KLHL2: variants seen among roughly 807,000 people sequenced by gnomAD.
KLHL2 encodes the protein kelch like family member 2, also known as kelch-like protein 2.
In KLHL2, 15 loss-of-function variants were observed where a neutral mutation model predicts 75.8. The observed-to-expected ratio is 0.20, with a 90% CI of 0.13 to 0.30. The LOEUF (loss-of-function observed/expected upper bound fraction) is 0.30, where lower values mean the gene tolerates loss of function less well. KLHL2 is among the 10% of genes least tolerant of loss of function. The pLI is 1.00. For missense variants in KLHL2, 381 were observed against 741.0 expected (o/e 0.51, Z 5.64); for synonymous variants, 214 against 251.9 (o/e 0.85, Z 1.42).
chr4:165,315,960 T>C (rs1161909220), intron 13 of KLHL2, among the ~76,000 whole-genome samples: 1 of 152,232 alleles, frequency 6.6e-6, no homozygotes, highest in East Asian at 1.9e-4. Context: ...GATGATTATA[T>C]ATAGACCTTT....
intron 4 of KLHL2, among the ~76,000 whole-genome samples, chr4:165,255,317 A>G (rs915809187): frequency 2.6e-5 from 4 of 152,184 alleles, no homozygotes; most frequent in African/African-American, 9.7e-5. Context: ...AAAAACCCCT[A>G]GAAGGGATTT....
At chr4:165,270,975 T>C (rs925614942) in intron 5 of KLHL2, among the ~76,000 whole-genome samples, 5 of 152,218 alleles carry the variant, frequency 3.3e-5, no homozygotes. Flanking sequence ...ACTTTATTTC[T>C]GGGTTCTCTA....
chr4:165,271,678 C>T (rs532066800), intron 5 of KLHL2, among the ~76,000 whole-genome samples: 9 of 152,258 alleles, frequency 5.9e-5, no homozygotes, highest in East Asian at 1.9e-4. Context: ...CTGGGACTTA[C>T]GGAAGTTGCT....
rs1221016356 is a variant in KLHL2 at position 165,319,660 on chromosome 4, C to T, written c.1753+1691C>T. On this transcript the variant is annotated intron_variant, in intron 14 of 14. Transcript: ENST00000226725. This position sits in a 1 kb window ranked among gnomAD's most constrained non-coding sequence, Gnocchi z 4.5. ...TTTTGAGACAGAATCTCACTCTTGT[C>T]GCCCAGGCTGGAGTGCAACAGCGTG... is the stretch of plus-strand genomic sequence containing the variant. Among the ~76,000 whole-genome samples, 1 of 152,024 alleles carries T rather than the reference C, an allele frequency of 6.6e-6. No homozygotes were observed. Among genetic ancestry groups the T allele is most frequent in the East Asian group, 1.9e-4 (1 of 5,194 alleles).
chr4:165,304,450 ATT>A (rs1293427829), intron 8 of KLHL2, among the ~76,000 whole-genome samples: 1 of 151,768 alleles, frequency 6.6e-6, no homozygotes, highest in Non-Finnish European at 1.5e-5. Context: ...GTTTGTTTTT[ATT>A]TTTTGTTTCT....
In KLHL2 at chr4:165,238,851, T is replaced by C; in HGVS notation, c.333T>C (p.Ile111=). 1 of 1,614,114 alleles carries C rather than the reference T, an allele frequency of 6.2e-7. No homozygotes were observed. Among genetic ancestry groups the C allele is most frequent in the Non-Finnish European group, 8.5e-7 (1 of 1,180,012 alleles). Residue 111 remains isoleucine (I), a synonymous_variant, in exon 4 of 15, where the codon ATT becomes ATC. Transcript: ENST00000226725. ...EVDGWTLRML[I]DYVYTAEIQV... ...ATGGCTGGACCCTGAGGATGCTAAT[T>C]GATTATGTTTACACTGCAGAAATTC...
At chr4:165,310,480 C>G in intron 9 of KLHL2, 73 bp from the exon 10 acceptor site, 1 of 1,268,956 alleles carries the variant, frequency 7.9e-7, no homozygotes, top group Admixed American at 1.7e-5. Context: ...ATAGATTTAT[C>G]AGAAAGCAAT....
At chr4:165,222,529 A>G (rs1738080415) in intron 2 of KLHL2, among the ~76,000 whole-genome samples, 1 of 152,192 alleles carries the variant, frequency 6.6e-6, no homozygotes, top group African/African-American at 2.4e-5. Flanking sequence ...GAATAGCCAG[A>G]GTGTTGGCTG....
chr4:165,266,229 C>T (rs2111256541), intron 5 of KLHL2, among the ~76,000 whole-genome samples: 1 of 152,240 alleles, frequency 6.6e-6, no homozygotes, highest in East Asian at 1.9e-4. Flanking sequence ...AGCCCTTTGT[C>T]AGATGGGTAG....
intron 2 of KLHL2, among the ~76,000 whole-genome samples, chr4:165,223,006 G>GT: frequency 6.6e-6 from 1 of 152,354 alleles, no homozygotes; most frequent in African/African-American, 2.4e-5. Context: ...CAGGAGTTCT[G>GT]TAAGGTTTAA....
At chr4:165,253,627 AT>A (rs1223399112) in intron 4 of KLHL2, among the ~76,000 whole-genome samples, 84 of 152,310 alleles carry the variant, frequency 5.5e-4, no homozygotes, top group Non-Finnish European at 1.5e-4. Flanking sequence ...ACATCTATTA[AT>A]CCACACCCAA....
At chr4:165,227,479 G>A (rs1435968015) in intron 2 of KLHL2, among the ~76,000 whole-genome samples, 2 of 152,190 alleles carry the variant, frequency 1.3e-5, no homozygotes, top group African/African-American at 4.8e-5. Context: ...TTGCTTGTAA[G>A]CTACTAGAAA....
intron 1 of KLHL2, chr4:165,208,687 CT>C (rs1344066940): frequency 6.6e-6 from 1 of 151,884 alleles, no homozygotes; most frequent in African/African-American, 2.4e-5. Flanking sequence ...TTAAAAACAT[CT>C]TGGTAAAAGT....
chr4:165,297,457 A>G (rs946785606), intron 6 of KLHL2, 152 bp from the exon 7 acceptor site: 4 of 574,736 alleles, frequency 7.0e-6, no homozygotes, highest in Non-Finnish European at 1.3e-5. Context: ...TTGTAAGTAC[A>G]TTGCAAGTCA....
intron 5 of KLHL2, among the ~76,000 whole-genome samples, chr4:165,274,135 T>C (rs1327363013): frequency 6.6e-6 from 1 of 151,718 alleles, no homozygotes; most frequent in Admixed American, 6.6e-5. Context: ...CTTTTCTAGG[T>C]AGGAAAGAAA....
At chr4:165,311,936 G>A (rs780662121) in intron 11 of KLHL2, among the ~76,000 whole-genome samples, 1 of 151,858 alleles carries the variant, frequency 6.6e-6, no homozygotes, top group Non-Finnish European at 1.5e-5. Flanking sequence ...TGGCACTAGG[G>A]ACTGGTTTTG....
intron 3 of KLHL2, among the ~76,000 whole-genome samples, chr4:165,234,118 G>C (rs1739134054): frequency 1.3e-5 from 2 of 152,160 alleles, no homozygotes; most frequent in Non-Finnish European, 1.5e-5. Flanking sequence ...AAACTGGCAG[G>C]GCAATGCAGT....
intron 5 of KLHL2, among the ~76,000 whole-genome samples, chr4:165,285,626 C>T (rs1306065944): frequency 2.0e-5 from 3 of 152,104 alleles, no homozygotes; most frequent in East Asian, 1.9e-4. Flanking sequence ...AGGCTGGTAT[C>T]GAACTTTTGA....
intron 3 of KLHL2, among the ~76,000 whole-genome samples, chr4:165,229,904 T>G (rs1225959818): frequency 1.3e-5 from 2 of 152,234 alleles, no homozygotes. Context: ...TCTGGGTGTC[T>G]TGGGAGTAGT....
Sources: allele counts gnomAD v4.1 joint callset (sites outside exome capture counted in the v4.1 genomes callset), GRCh38; gene constraint gnomAD v4.1.1; non-coding constraint Gnocchi (gnomAD v3.1); transcripts MANE v1.5; gene names NCBI Gene and HGNC (gene_info 2026-07-23, HGNC 2026-07-21).